LRP1B: variants seen among roughly 807,000 people sequenced by gnomAD.
The protein encoded by LRP1B is LDL receptor related protein 1B.
In LRP1B, 217 loss-of-function variants were observed where a neutral mutation model predicts 556.6. That is an observed-to-expected ratio of 0.39 (90% CI 0.35 to 0.44). LRP1B has a LOEUF of 0.44. Among genes scored for constraint, LRP1B ranks in the 20% least tolerant of loss-of-function variants. The probability of loss-of-function intolerance (pLI) is 1.00; values close to 1 mark genes in which losing one functional copy is unlikely to be tolerated. For missense variants in LRP1B, 5,053 were observed against 5,620.8 expected (o/e 0.90, Z 3.23); for synonymous variants, 2,047 against 1,865.8 (o/e 1.10, Z -2.50).
intron 81 of LRP1B, 104 bp downstream of exon 81, chr2:140,323,789 G>GGTTA (rs1308837790): frequency 1.8e-6 from 1 of 547,232 alleles, no homozygotes; most frequent in African/African-American, 1.9e-5. Context: ...AAGTTACTGA[G>GGTTA]GTTAAGACAT....
chr2:140,398,151 A>G (rs1421185338), intron 66 of LRP1B, among the ~76,000 whole-genome samples: 2 of 152,192 alleles, frequency 1.3e-5, no homozygotes, highest in Non-Finnish European at 2.9e-5. Context: ...CTTTATAACC[A>G]CAGTTAGCAA....
chr2:140,733,661 A>T (rs898238501), intron 35 of LRP1B, among the ~76,000 whole-genome samples: 1 of 152,196 alleles, frequency 6.6e-6, no homozygotes, highest in South Asian at 2.1e-4. Flanking sequence ...AGAATAGGTA[A>T]AACTAATCAA....
intron 7 of LRP1B, among the ~76,000 whole-genome samples, chr2:141,158,768 G>A (rs983733632): frequency 6.6e-6 from 1 of 152,046 alleles, no homozygotes; most frequent in Non-Finnish European, 1.5e-5. Flanking sequence ...TCCAGTCTCG[G>A]AGAACATTAC....
intron 25 of LRP1B, among the ~76,000 whole-genome samples, chr2:140,880,464 CACCT>C (rs1288033958): frequency 6.6e-6 from 1 of 152,114 alleles, no homozygotes; most frequent in African/African-American, 2.4e-5. Flanking sequence ...AATAGTTTGT[CACCT>C]GGGAGATCAG....
At chr2:141,315,882 C>CTTTTTTTT (rs70991157) in intron 3 of LRP1B, among the ~76,000 whole-genome samples, 5 of 18,140 alleles carry the variant, frequency 2.8e-4, no homozygotes, top group African/African-American at 7.1e-4. Flanking sequence ...TTAGTCTGGT[C>CTTTTTTTT]TTTTTTTTTT....
intron 2 of LRP1B, among the ~76,000 whole-genome samples, chr2:141,642,188 G>A (rs763081122): frequency 1.3e-5 from 2 of 152,014 alleles, no homozygotes; most frequent in Non-Finnish European, 2.9e-5. Flanking sequence ...TACACAAATA[G>A]GGAGTCTTAA....
In LRP1B at chr2:141,545,754, A is replaced by G. The variant is rs148566084; in HGVS notation, c.206-65221T>C. 6.6e-3 allele frequency among the ~76,000 whole-genome samples: 1,004 copies of G among 152,228 alleles called. 12 individuals are homozygous for G. The highest frequency in any genetic ancestry group is 0.023 in the African/African-American group (961 of 41,552). Reference sequence around the variant, plus strand: ...TCATAAAGAGACATGGCAACGGAAGAATTTTAGAGAGATGTGGCATTGATG... The same window carrying G: ...TCATAAAGAGACATGGCAACGGAAGGATTTTAGAGAGATGTGGCATTGATG... On this transcript the variant is annotated intron_variant, in intron 2 of 90. Coordinates refer to ENST00000389484, the MANE Select transcript of LRP1B (RefSeq NM_018557.3).
chr2:141,621,431 T>G (rs1256183439), intron 2 of LRP1B, among the ~76,000 whole-genome samples: 1 of 152,164 alleles, frequency 6.6e-6, no homozygotes, highest in African/African-American at 2.4e-5. Context: ...AATACAGAGA[T>G]GAATTCAGGC....
At chr2:141,058,722 G>C (rs543913845) in intron 9 of LRP1B, among the ~76,000 whole-genome samples, 161 bp downstream of exon 9, 13 of 151,908 alleles carry the variant, frequency 8.6e-5, no homozygotes, top group African/African-American at 2.6e-4. Context: ...ATTTAGACTT[G>C]TGACGGGAGC....
intron 85 of LRP1B, among the ~76,000 whole-genome samples, chr2:140,271,586 T>A (rs1682464245): frequency 6.6e-6 from 1 of 151,966 alleles, no homozygotes; most frequent in South Asian, 2.1e-4. Flanking sequence ...GGTGTTTAAT[T>A]TGAAGATGTT....
chr2:140,745,432 T>C (rs1009024286), intron 35 of LRP1B, among the ~76,000 whole-genome samples: 3 of 152,318 alleles, frequency 2.0e-5, no homozygotes, highest in Admixed American at 2.0e-4. Flanking sequence ...TAGGCAACAT[T>C]TTAATCTTTT....
chr2:142,033,126 T>C lies in LRP1B; in HGVS notation c.82+97522A>G, dbSNP rs1040458134. ...AGATTTTGTTACCGTCATCAGCCCA[T>C]TGAGAATCACTAGCATCTCCAGCTG... On this transcript the variant is annotated intron_variant, in intron 1 of 90. Transcript: ENST00000389484. 1.6e-4 allele frequency among the ~76,000 whole-genome samples: 25 copies of C among 151,950 alleles called. 1 individual carries two copies. The South Asian group carries it at 4.1e-3, about 25-fold the overall frequency.
chr2:140,327,957 A>T (rs1477803394), intron 79 of LRP1B, among the ~76,000 whole-genome samples: 1 of 139,898 alleles, frequency 7.1e-6, no homozygotes, highest in Non-Finnish European at 1.6e-5. Context: ...TTGATTTTCT[A>T]TTAAGCCCTT....
chr2:141,987,663 C>T (rs1702234975), intron 1 of LRP1B, among the ~76,000 whole-genome samples: 1 of 150,602 alleles, frequency 6.6e-6, no homozygotes, highest in South Asian at 2.1e-4. Flanking sequence ...AATATACCTA[C>T]CACAAATCAA....
intron 2 of LRP1B, among the ~76,000 whole-genome samples, chr2:141,768,043 C>T: frequency 6.6e-6 from 1 of 152,080 alleles, no homozygotes; most frequent in East Asian, 1.9e-4. Flanking sequence ...AGATGCTTAT[C>T]CCAGTATATT....
rs2105156674 is a variant in LRP1B, at chr2:140,868,238, C to T, written c.4195G>A (p.Ala1399Thr). 1.3e-6 allele frequency: 2 copies of T among 1,579,734 alleles called. No homozygotes were observed. Among genetic ancestry groups the T allele is most frequent in the Non-Finnish European group, 1.7e-6 (2 of 1,167,144 alleles). ...GCAGATTCAATGCGAGGAAAATTTG[C>T]ATCCCAGTCTGTCCAGAAAAGAATT... ...YGILFWTDWD[A>T]NFPRIESASM... is the part of the protein sequence containing the mutation. Residue 1399 changes from alanine to threonine, a missense_variant, in exon 26 of 91, where the codon GCA becomes ACA. Transcript: ENST00000389484.
intron 2 of LRP1B, among the ~76,000 whole-genome samples, chr2:141,616,450 T>C (rs183945679): frequency 6.6e-6 from 1 of 152,222 alleles, no homozygotes; most frequent in Non-Finnish European, 1.5e-5. Context: ...TAAGAATTAC[T>C]GACACTCTGC....
At chr2:141,610,323 A>ATACTTTAAAACTTAAAGT (rs143503631) in intron 2 of LRP1B, among the ~76,000 whole-genome samples, 9 of 122,708 alleles carry the variant, frequency 7.3e-5, no homozygotes, top group Admixed American at 7.0e-4. Flanking sequence ...CTTAAAGTAT[A>ATACTTTAAAACTTAAAGT]ATAATAATAA....
At chr2:141,315,611 T>C (rs1266366488) in intron 3 of LRP1B, among the ~76,000 whole-genome samples, 2 of 151,864 alleles carry the variant, frequency 1.3e-5, no homozygotes, top group African/African-American at 2.4e-5. Flanking sequence ...TATTATTATA[T>C]ATAATTAGCT....
Sources: gnomAD v4.1 joint callset for allele counts (sites outside exome capture counted in the v4.1 genomes callset) on GRCh38, gnomAD v4.1.1 for gene constraint, MANE v1.5 for transcripts, NCBI Gene and HGNC (gene_info 2026-07-23, HGNC 2026-07-21) for gene names.